The following SUSD4 variants were observed in gnomAD, a reference collection of about 807,000 sequenced individuals.
The protein encoded by SUSD4 is sushi domain containing 4.
In SUSD4, 41 loss-of-function variants were observed where a neutral mutation model predicts 50.5. That is an observed-to-expected ratio of 0.81 (90% CI 0.63 to 1.05). SUSD4 has a LOEUF of 1.05. Among genes scored for constraint, SUSD4 ranks in the 50% least tolerant of loss-of-function variants. SUSD4 has a pLI of 0.00. For missense variants in SUSD4, 580 were observed against 634.7 expected (o/e 0.91, Z 0.93); for synonymous variants, 257 against 257.3 (o/e 1.00, Z 0.01).
intron 2 of SUSD4, among the ~76,000 whole-genome samples, chr1:223,325,842 T>C (rs892894296): frequency 3.3e-5 from 5 of 152,138 alleles, no homozygotes; most frequent in African/African-American, 1.2e-4. Context: ...TACGGAGAAC[T>C]ATAAAACACT....
intron 3 of SUSD4, among the ~76,000 whole-genome samples, chr1:223,282,411 A>G (rs1369197830): frequency 6.6e-6 from 1 of 152,152 alleles, no homozygotes; most frequent in African/African-American, 2.4e-5. Context: ...CAAAATCAAT[A>G]TGCAAAAATC....
chr1:223,221,274 G>C lies in SUSD4; in HGVS notation c.*918C>G. The C allele has an allele frequency of 2.5e-6, 1 of 395,790 alleles. No homozygotes were observed. 24.5% of individuals were successfully genotyped at this position (395,790 alleles called of 1,614,324 possible). ...AATGTATGGTTCAATTTGGGGCTGGGGGAACAATGACAATTGTCAACTAGA... is the reference window on the plus strand; with the variant it reads ...AATGTATGGTTCAATTTGGGGCTGGCGGAACAATGACAATTGTCAACTAGA... On this transcript the variant is annotated 3_prime_UTR_variant, in exon 9 of 9. Transcript: ENST00000366878.
At position 223,231,852 on chromosome 1, in the gene SUSD4, T is replaced by C. The variant is rs528545874; in HGVS notation, c.725-2464A>G. Among the ~76,000 whole-genome samples, 1 of 152,324 alleles carries C rather than the reference T, an allele frequency of 6.6e-6. No individual in the cohort carries two copies. The highest frequency in any genetic ancestry group is 1.5e-5 in the Non-Finnish European group (1 of 68,018). On this transcript the variant is annotated intron_variant, in intron 5 of 8. Transcript: ENST00000366878. The surrounding 1 kb of genome is among the most constrained non-coding windows in gnomAD (Gnocchi z 4.2). ...ACTGCTGGAGCATTCCCCAGCGCTG[T>C]TGTACGCTCAGGAGGCCGGCATCTT...
chr1:223,364,989 G>C (rs1669237134), upstream of SUSD4, among the ~76,000 whole-genome samples: 1 of 152,132 alleles, frequency 6.6e-6, no homozygotes, highest in Non-Finnish European at 1.5e-5. The surrounding 1 kb of genome is among the most constrained non-coding windows in gnomAD (Gnocchi z 4.5). Context: ...GAGGACCCCT[G>C]TCCGGTCTTG....
chr1:223,302,057 T>C (rs1256903769), intron 2 of SUSD4, among the ~76,000 whole-genome samples: 1 of 152,080 alleles, frequency 6.6e-6, no homozygotes, highest in Non-Finnish European at 1.5e-5. Context: ...TTTAGCACCA[T>C]CCCCCTAGTG....
intron 2 of SUSD4, among the ~76,000 whole-genome samples, chr1:223,344,556 G>C (rs144785396): frequency 6.6e-6 from 1 of 152,168 alleles, no homozygotes; most frequent in African/African-American, 2.4e-5. Context: ...GCTCACCCCC[G>C]AGAAAAGCTT....
At position 223,362,945 on chromosome 1, in the gene SUSD4, T is replaced by TCCC. The variant is rs72009594; in HGVS notation, c.148+330_148+332dup. 1.3e-3 allele frequency among the ~76,000 whole-genome samples: 122 copies of TCCC among 93,260 alleles called. 2 individuals are homozygous for TCCC. Among genetic ancestry groups the TCCC allele is most frequent in the African/African-American group, 5.3e-3 (116 of 21,812 alleles). 61.2% of individuals were successfully genotyped at this position (93,260 alleles called of 152,430 possible). A position where few individuals can be genotyped will look rare whatever the true frequency, so the allele number is the denominator to read the frequency against. On this transcript the variant is annotated intron_variant, in intron 2 of 8. Transcript: ENST00000366878. ...CCCCACTGCCCCCACCCCCCACCCC[T>TCCC]CCCCCCCCCGCCCCCGCTTCCTTGG...
intron 3 of SUSD4, 45 bp from the exon 4 acceptor site, chr1:223,268,720 C>A: frequency 6.3e-7 from 1 of 1,580,622 alleles, no homozygotes; most frequent in Non-Finnish European, 8.6e-7. Flanking sequence ...AATTTTAAAA[C>A]GGTTGTGGTT....
intron 2 of SUSD4, among the ~76,000 whole-genome samples, chr1:223,338,701 C>T (rs1235378467): frequency 6.6e-6 from 1 of 152,196 alleles, no homozygotes; most frequent in Non-Finnish European, 1.5e-5. Flanking sequence ...ACTGCTGGGA[C>T]AGGCTGCGCA....
intron 7 of SUSD4, among the ~76,000 whole-genome samples, chr1:223,224,816 G>A (rs1202403244): frequency 6.6e-6 from 1 of 151,488 alleles, no homozygotes; most frequent in South Asian, 2.1e-4. Context: ...GGCCTCAAGA[G>A]GAACCCAGGG....
At chr1:223,225,974 G>T (rs1257501103) in intron 7 of SUSD4, among the ~76,000 whole-genome samples, 2 of 152,150 alleles carry the variant, frequency 1.3e-5, no homozygotes, top group South Asian at 2.1e-4. Context: ...AACAACTCAA[G>T]AATAATATAA....
At chr1:223,289,420 A>G in intron 3 of SUSD4, 1 of 486,644 alleles carries the variant, frequency 2.1e-6, no homozygotes, top group Non-Finnish European at 2.7e-6. Flanking sequence ...CCATGTGAAA[A>G]GGGGGAATGG....
chr1:223,342,630 G>C (rs1281060319), intron 2 of SUSD4, among the ~76,000 whole-genome samples: 1 of 152,166 alleles, frequency 6.6e-6, no homozygotes, highest in Non-Finnish European at 1.5e-5. Context: ...TATTATGAGG[G>C]TGTTATTTCA....
At chr1:223,241,951 T>C (rs1205231572) in intron 5 of SUSD4, among the ~76,000 whole-genome samples, 1 of 152,074 alleles carries the variant, frequency 6.6e-6, no homozygotes, top group African/African-American at 2.4e-5. Flanking sequence ...AGAGTATGTA[T>C]GTATGTATGA....
intron 5 of SUSD4, chr1:223,235,075 A>G (rs1459319072): frequency 6.2e-7 from 1 of 1,607,006 alleles, no homozygotes; most frequent in Non-Finnish European, 8.5e-7. Context: ...AATAAAGGAC[A>G]GGGAAAAGAT....
At chr1:223,271,003 C>A (rs373417075) in intron 3 of SUSD4, among the ~76,000 whole-genome samples, 1 of 151,684 alleles carries the variant, frequency 6.6e-6, no homozygotes, top group African/African-American at 2.4e-5. Context: ...ACTGCTGCTG[C>A]CTTAATAGAA....
At chr1:223,241,884 G>A (rs1660609075) in intron 5 of SUSD4, among the ~76,000 whole-genome samples, 1 of 152,148 alleles carries the variant, frequency 6.6e-6, no homozygotes, top group African/African-American at 2.4e-5. Flanking sequence ...TAGTCTTCTT[G>A]GGGAAGACAA....
At chr1:223,271,109 G>A (rs1297751002) in intron 3 of SUSD4, among the ~76,000 whole-genome samples, 1 of 152,214 alleles carries the variant, frequency 6.6e-6, no homozygotes, top group African/African-American at 2.4e-5. Context: ...AATCTTGGCT[G>A]TAAATAGGTA....
chr1:223,342,139 G>A (rs977014595), intron 2 of SUSD4, among the ~76,000 whole-genome samples: 3 of 152,026 alleles, frequency 2.0e-5, no homozygotes, highest in South Asian at 2.1e-4. Context: ...GAGGACAGGC[G>A]GGGGCCTGGG....
Sources: allele counts gnomAD v4.1 joint callset (sites outside exome capture counted in the v4.1 genomes callset), GRCh38; gene constraint gnomAD v4.1.1; non-coding constraint Gnocchi (gnomAD v3.1); transcripts MANE v1.5; gene names NCBI Gene and HGNC (gene_info 2026-07-23, HGNC 2026-07-21).